The following ABLIM1 variants were observed in gnomAD, a reference collection of about 807,000 sequenced individuals.
ABLIM1 encodes actin binding LIM protein 1.
ABLIM1 carries 40 observed loss-of-function variants against 107.0 expected under a neutral mutation model. The ratio of observed to expected loss-of-function variants is 0.37; its 90% CI spans 0.29 to 0.49. The LOEUF is 0.49. Among genes scored for constraint, ABLIM1 ranks in the 20% least tolerant of loss-of-function variants. The probability of loss-of-function intolerance (pLI) is 0.97; values close to 1 mark genes in which losing one functional copy is unlikely to be tolerated. For synonymous variants in ABLIM1, 357 were observed against 357.3 expected (o/e 1.00, Z 0.01); for missense variants, 857 against 1,008.5 (o/e 0.85, Z 2.04).
chr10:114,572,515 G>A (rs760148102), intron 3 of ABLIM1, among the ~76,000 whole-genome samples: 1 of 152,084 alleles, frequency 6.6e-6, no homozygotes, highest in Non-Finnish European at 1.5e-5. Context: ...TAGAAGTCCC[G>A]AGGAGAGGTG....
At chr10:114,467,810 A>C (rs140086289) in intron 11 of ABLIM1, among the ~76,000 whole-genome samples, 5 of 152,294 alleles carry the variant, frequency 3.3e-5, no homozygotes, top group Non-Finnish European at 7.4e-5. Flanking sequence ...TGCTTATAGA[A>C]TACGCCATGA....
chr10:114,458,737 G>A (rs2063301623), intron 12 of ABLIM1, among the ~76,000 whole-genome samples: 1 of 152,158 alleles, frequency 6.6e-6, no homozygotes, highest in African/African-American at 2.4e-5. Context: ...CTTAATATAT[G>A]TAACCCTCCT....
the ABLIM1 span, among the ~76,000 whole-genome samples, chr10:114,781,980 A>T: frequency 9.9e-5 from 15 of 151,972 alleles, no homozygotes; most frequent in Admixed American, 5.9e-4. Context: ...AATTCCTACC[A>T]GCAAGATTCA....
intron 2 of ABLIM1, among the ~76,000 whole-genome samples, chr10:114,599,139 T>C (rs1236193715): frequency 6.6e-6 from 1 of 152,164 alleles, no homozygotes; most frequent in African/African-American, 2.4e-5. Flanking sequence ...TGTGAGAAAA[T>C]ATAAATTTAT....
At chr10:114,726,923 GA>G (rs1228602881) in intron 1 of ABLIM1, among the ~76,000 whole-genome samples, 1 of 152,184 alleles carries the variant, frequency 6.6e-6, no homozygotes, top group Admixed American at 6.5e-5. Context: ...TTTGGGTAGG[GA>G]CATACATTTA....
chr10:114,448,164 G>A lies in ABLIM1; in HGVS notation c.1595-144C>T. 5 of 1,009,024 alleles carry A rather than the reference G, an allele frequency of 5.0e-6. No individual in the cohort carries two copies. The South Asian group carries it at 8.4e-5, about 17-fold the overall frequency. The allele number at this position is 1,009,024 out of a possible 1,614,324, so 62.5% of individuals were successfully genotyped here. On this transcript the variant is annotated intron_variant, in intron 14 of 22. Transcript: ENST00000533213. ...GTTTATTACCATTATCCATGGCCCA[G>A]TCACTCAGAGGTACCTATTGACAAG...
intron 1 of ABLIM1, among the ~76,000 whole-genome samples, chr10:114,704,335 T>TATATATATATATATCTCACG (rs3061769): frequency 0.011 from 936 of 83,114 alleles, 99 homozygotes; most frequent in Non-Finnish European, 0.015. Flanking sequence ...TATATATATA[T>TATATATATATATATCTCACG]TGCGCGCGTT....
intron 2 of ABLIM1, among the ~76,000 whole-genome samples, chr10:114,579,796 T>A (rs1223804305): frequency 6.6e-6 from 1 of 152,198 alleles, no homozygotes; most frequent in African/African-American, 2.4e-5. Flanking sequence ...TCTATCTCTA[T>A]GAATTTAACT....
chr10:114,599,550 T>C (rs974238981), intron 2 of ABLIM1, among the ~76,000 whole-genome samples: 1 of 151,880 alleles, frequency 6.6e-6, no homozygotes, highest in African/African-American at 2.4e-5. Context: ...GGCAGGAGAA[T>C]CCCTTGAGAT....
intron 10 of ABLIM1, among the ~76,000 whole-genome samples, chr10:114,469,051 C>CAAAA (rs71473043): frequency 1.9e-4 from 14 of 75,324 alleles, no homozygotes; most frequent in Non-Finnish European, 2.7e-4. Context: ...GACTCTGTCT[C>CAAAA]AAAAAAAAAA....
At position 114,601,824 on chromosome 10, in the gene ABLIM1, T is replaced by C; in HGVS notation, c.379+3A>G. The C allele has an allele frequency of 6.2e-7, 1 of 1,614,168 alleles. No individual in the cohort carries two copies. The highest frequency in any genetic ancestry group is 8.5e-7 in the Non-Finnish European group (1 of 1,180,010). ...CTGAGCCACGAAGCTGGAGGCACCA[T>C]ACCTTTGCAGGTGAAACACTTGATG... On this transcript the variant is annotated splice_donor_region_variant and intron_variant, in intron 2 of 22. Coordinates refer to ENST00000533213, the MANE Select transcript of ABLIM1 (RefSeq NM_002313.7).
chr10:114,649,569 G>T (rs185549099), intron 1 of ABLIM1, among the ~76,000 whole-genome samples: 1 of 151,870 alleles, frequency 6.6e-6, no homozygotes, highest in African/African-American at 2.4e-5. Flanking sequence ...TTCTGCAAAG[G>T]GTTTCTCTAG....
chr10:114,542,446 A>C (rs1236448598), intron 6 of ABLIM1, among the ~76,000 whole-genome samples: 1 of 151,244 alleles, frequency 6.6e-6, no homozygotes, highest in Non-Finnish European at 1.5e-5. Flanking sequence ...AAGAAAAAAA[A>C]AAAAGAAAAG....
intron 8 of ABLIM1, among the ~76,000 whole-genome samples, chr10:114,475,551 G>A (rs2056222191): frequency 6.6e-6 from 1 of 152,166 alleles, no homozygotes; most frequent in Non-Finnish European, 1.5e-5. Flanking sequence ...ACAAATCCTA[G>A]TTGAGGGAAT....
intron 1 of ABLIM1, among the ~76,000 whole-genome samples, chr10:114,753,311 A>G (rs549184464): frequency 3.9e-4 from 60 of 152,222 alleles, no homozygotes; most frequent in Non-Finnish European, 7.2e-4. Flanking sequence ...TCTGTGCACC[A>G]TGCTCTCTTT....
At chr10:114,531,997 T>C (rs1359787704) in intron 6 of ABLIM1, among the ~76,000 whole-genome samples, 1 of 152,172 alleles carries the variant, frequency 6.6e-6, no homozygotes, top group African/African-American at 2.4e-5. Context: ...GTATTTTTAG[T>C]AGATACGGGG....
chr10:114,533,597 AG>A (rs2065670510), intron 6 of ABLIM1, among the ~76,000 whole-genome samples: 1 of 152,186 alleles, frequency 6.6e-6, no homozygotes, highest in South Asian at 2.1e-4. Context: ...TCTTGAACTC[AG>A]GACATTTACT....
chr10:114,565,405 G>T (rs931954118), intron 4 of ABLIM1, among the ~76,000 whole-genome samples: 9 of 152,214 alleles, frequency 5.9e-5, no homozygotes, highest in African/African-American at 1.7e-4. Context: ...AAATTCAGAA[G>T]TCAGTGCCTG....
At chr10:114,495,376 ATGATGGTGATGATGGTGGTGG>A (rs1217505436) in intron 6 of ABLIM1, among the ~76,000 whole-genome samples, 9 of 152,048 alleles carry the variant, frequency 5.9e-5, no homozygotes, top group Non-Finnish European at 4.4e-5. Context: ...AGTAGAGATG[ATGATGGTGATGATGGTGGTGG>A]TGATGGTGAT....
Sources: gnomAD v4.1 joint callset for allele counts (sites outside exome capture counted in the v4.1 genomes callset) on GRCh38, gnomAD v4.1.1 for gene constraint, MANE v1.5 for transcripts, NCBI Gene and HGNC (gene_info 2026-07-23, HGNC 2026-07-21) for gene names.